The following NTRK3 variants were observed in gnomAD, a reference collection of about 807,000 sequenced individuals.
The protein encoded by NTRK3 is neurotrophic receptor tyrosine kinase 3.
A neutral mutation model predicts 91.7 loss-of-function variants in NTRK3; 24 were observed. The ratio of observed to expected loss-of-function variants is 0.26; its 90% CI spans 0.19 to 0.37. NTRK3 has a LOEUF of 0.37. Among genes scored for constraint, NTRK3 ranks in the 10% least tolerant of loss-of-function variants. The pLI is 1.00. For synonymous variants in NTRK3, 483 were observed against 404.0 expected, an observed-to-expected ratio of 1.20 and a Z score of -2.34; for missense variants, 880 against 1,068.9, an observed-to-expected ratio of 0.82 and a Z score of 2.46.
intron 14 of NTRK3, among the ~76,000 whole-genome samples, chr15:88,030,562 C>CA (rs1368442033): frequency 3.9e-5 from 6 of 152,152 alleles, no homozygotes; most frequent in African/African-American, 1.4e-4. Flanking sequence ...CCAGAGCTTC[C>CA]ACTAAAGAGG....
intron 14 of NTRK3, among the ~76,000 whole-genome samples, chr15:88,027,819 G>A (rs534505274): frequency 6.6e-6 from 1 of 152,284 alleles, no homozygotes; most frequent in Non-Finnish European, 1.5e-5. Flanking sequence ...TCAAAGTCGG[G>A]TTTGGGAAAC....
At chr15:88,199,815 T>G (rs2141258981) in intron 3 of NTRK3, among the ~76,000 whole-genome samples, 1 of 152,308 alleles carries the variant, frequency 6.6e-6, no homozygotes, top group South Asian at 2.1e-4. Flanking sequence ...CAGAGTTTAC[T>G]CAAAGATCCC....
intron 14 of NTRK3, among the ~76,000 whole-genome samples, chr15:88,014,418 G>A (rs1034925452): frequency 1.3e-5 from 2 of 152,024 alleles, no homozygotes; most frequent in Admixed American, 6.5e-5. Context: ...TCTACTAAAC[G>A]AAAAGATAAG....
chr15:87,977,826 C>T (rs575197067), intron 14 of NTRK3: 69 of 232,508 alleles, frequency 3.0e-4, no homozygotes, highest in South Asian at 1.3e-3. Context: ...GATCCTGACA[C>T]GAAGAACCAC....
At chr15:88,071,171 C>G (rs1302460478) in intron 13 of NTRK3, among the ~76,000 whole-genome samples, 2 of 152,222 alleles carry the variant, frequency 1.3e-5, no homozygotes, top group Non-Finnish European at 2.9e-5. Context: ...GCCCGATGAA[C>G]TGAGGATTGC....
intron 13 of NTRK3, among the ~76,000 whole-genome samples, chr15:88,116,864 G>A (rs923914846): frequency 6.6e-6 from 1 of 152,224 alleles, no homozygotes; most frequent in Non-Finnish European, 1.5e-5. Context: ...GAAATTGCTT[G>A]TACCCCAATC....
At chr15:87,896,967 G>A (rs980681321) in intron 17 of NTRK3, among the ~76,000 whole-genome samples, 2 of 152,156 alleles carry the variant, frequency 1.3e-5, no homozygotes, top group Non-Finnish European at 2.9e-5. Flanking sequence ...AAAATGCAGC[G>A]AAAACTCACA....
intron 13 of NTRK3, among the ~76,000 whole-genome samples, chr15:88,068,508 CT>C (rs2142642786): frequency 6.6e-6 from 1 of 152,286 alleles, no homozygotes; most frequent in South Asian, 2.1e-4. Context: ...ACTACCAGCA[CT>C]GGGCAGCTTC....
chr15:88,140,337 G>A (rs2042271305), intron 6 of NTRK3, among the ~76,000 whole-genome samples: 1 of 152,152 alleles, frequency 6.6e-6, no homozygotes, highest in African/African-American at 2.4e-5. Flanking sequence ...TCAACCAAAG[G>A]GATAGACAGA....
chr15:88,052,635 G>A (rs971035051), intron 13 of NTRK3, among the ~76,000 whole-genome samples: 3 of 152,220 alleles, frequency 2.0e-5, no homozygotes, highest in Non-Finnish European at 4.4e-5. Flanking sequence ...ATCACTGGGA[G>A]TTAATAGATT....
At chr15:87,947,345 TC>T (rs2070662899) in intron 14 of NTRK3, among the ~76,000 whole-genome samples, 1 of 134,170 alleles carries the variant, frequency 7.5e-6, no homozygotes, top group Non-Finnish European at 1.6e-5. Flanking sequence ...CATCCTTTAA[TC>T]ATGACAGCCC....
At chr15:88,059,049 A>AACACACACAC (rs56706510) in intron 13 of NTRK3, among the ~76,000 whole-genome samples, 31 of 144,718 alleles carry the variant, frequency 2.1e-4, no homozygotes, top group African/African-American at 7.7e-4. Flanking sequence ...CTCACACACA[A>AACACACACAC]ACACACACAC....
chr15:88,141,019 CTG>C (rs2042337335), intron 6 of NTRK3, among the ~76,000 whole-genome samples: 1 of 152,088 alleles, frequency 6.6e-6, no homozygotes, highest in African/African-American at 2.4e-5. Flanking sequence ...GCAGGGAGAA[CTG>C]TCTTTGGTTG....
Position 87,894,454 on chromosome 15 carries a change from G to C in NTRK3, c.2134-14026C>G, listed in dbSNP as rs545712920. Among the ~76,000 whole-genome samples the C allele has an allele frequency of 1.5e-3, 228 of 152,298 alleles. 2 individuals are homozygous for C. Among genetic ancestry groups the C allele is most frequent in the Non-Finnish European group, 6.6e-4 (45 of 68,028 alleles). On this transcript the variant is annotated intron_variant, in intron 17 of 18. Coordinates refer to ENST00000394480, the Ensembl canonical transcript of NTRK3. Reference sequence around the variant, plus strand: ...GTGTGTGACAATGCATGTGCATCGTGTGTACAGTCATAGATACAGACCTGG... The same window carrying C: ...GTGTGTGACAATGCATGTGCATCGTCTGTACAGTCATAGATACAGACCTGG...
intron 14 of NTRK3, among the ~76,000 whole-genome samples, chr15:87,974,028 C>T (rs1052652764): frequency 7.2e-5 from 11 of 152,164 alleles, no homozygotes; most frequent in African/African-American, 1.7e-4. Context: ...TTGATCTGCC[C>T]GCTCCTGAGC....
intron 14 of NTRK3, among the ~76,000 whole-genome samples, chr15:87,990,557 G>A (rs1277446567): frequency 2.6e-5 from 4 of 152,080 alleles, no homozygotes; most frequent in African/African-American, 9.7e-5. Context: ...GGAAACTAAA[G>A]CACAAACTTA....
At chr15:87,899,457 A>C (rs1712384192) in intron 17 of NTRK3, among the ~76,000 whole-genome samples, 2 of 150,832 alleles carry the variant, frequency 1.3e-5, no homozygotes, top group Admixed American at 1.3e-4. Context: ...ATCAGTCAGG[A>C]CACACATTGC....
chr15:88,233,773 C>T lies in NTRK3; in HGVS notation c.248+22133G>A, dbSNP rs989781377. 6.6e-6 allele frequency among the ~76,000 whole-genome samples: 1 copy of T among 151,590 alleles called. No individual in the cohort carries two copies. The highest frequency in any genetic ancestry group is 2.4e-5 in the African/African-American group (1 of 40,988). On this transcript the variant is annotated intron_variant, in intron 3 of 18. Transcript: ENST00000394480. This position sits in a 1 kb window ranked among gnomAD's most constrained non-coding sequence, Gnocchi z 4.2. ...CCTTCCTCCCTACACCTTGCTCCTC[C>T]TCCCCTGACATCCAGTGCTCCCCCT...
chr15:88,197,323 A>ACAGCC (rs1567628206), intron 3 of NTRK3, among the ~76,000 whole-genome samples: 1 of 152,126 alleles, frequency 6.6e-6, no homozygotes. Flanking sequence ...TCTATCTTAG[A>ACAGCC]CAGCCTCATG....
Sources: gnomAD v4.1 joint callset for allele counts (sites outside exome capture counted in the v4.1 genomes callset) on GRCh38, gnomAD v4.1.1 for gene constraint, Gnocchi (gnomAD v3.1) non-coding constraint, MANE v1.5 for transcripts, NCBI Gene and HGNC (gene_info 2026-07-23, HGNC 2026-07-21) for gene names.